The following DYNC1I2 variants were observed in gnomAD, a reference collection of about 807,000 sequenced individuals.
The protein encoded by DYNC1I2 is dynein cytoplasmic 1 intermediate chain 2.
Under a neutral mutation model 88.6 loss-of-function variants are expected in DYNC1I2, and 53 were observed. That is an observed-to-expected ratio of 0.60 (90% CI 0.48 to 0.75). The LOEUF is 0.75. Among genes scored for constraint, DYNC1I2 ranks in the 30% least tolerant of loss-of-function variants. The pLI is 0.00. For missense variants in DYNC1I2, 458 were observed against 766.6 expected (o/e 0.60, Z 4.75); for synonymous variants, 198 against 254.6 (o/e 0.78, Z 2.12).
At chr2:171,710,122 TACACACACAC>T (rs55862813) in intron 5 of DYNC1I2, among the ~76,000 whole-genome samples, 6,922 of 144,376 alleles carry the variant, frequency 0.048, 219 homozygotes, top group African/African-American at 0.081. Context: ...TATGTATATA[TACACACACAC>T]ACACACACAC....
At chr2:171,701,389 C>T (rs924024206) in intron 3 of DYNC1I2, among the ~76,000 whole-genome samples, 12 of 152,098 alleles carry the variant, frequency 7.9e-5, no homozygotes, top group Non-Finnish European at 1.6e-4. Flanking sequence ...GGGCTAGTCT[C>T]GAACTCCTGA....
At chr2:171,699,075 G>A (rs551945503) in intron 3 of DYNC1I2, among the ~76,000 whole-genome samples, 2 of 152,222 alleles carry the variant, frequency 1.3e-5, no homozygotes, top group South Asian at 4.1e-4. Flanking sequence ...TTGGGAGGCC[G>A]AGGCAGGCAG....
chr2:171,693,110 G>A, intron 3 of DYNC1I2: 1 of 504,162 alleles, frequency 2.0e-6, no homozygotes, highest in South Asian at 2.4e-5. Flanking sequence ...AACATATACT[G>A]AACTACCAAT....
chr2:171,718,448 C>G (rs948178461), intron 7 of DYNC1I2, among the ~76,000 whole-genome samples: 2 of 144,378 alleles, frequency 1.4e-5, no homozygotes, highest in African/African-American at 5.1e-5. Flanking sequence ...TTTTTTTTTT[C>G]TTTGAGACAG....
At chr2:171,695,066 C>G (rs1685664414) in intron 3 of DYNC1I2, among the ~76,000 whole-genome samples, 1 of 152,056 alleles carries the variant, frequency 6.6e-6, no homozygotes, top group African/African-American at 2.4e-5. Flanking sequence ...CATTAAGTGA[C>G]CACTTTTGCA....
At chr2:171,713,403 C>A (rs1687263486) in intron 6 of DYNC1I2, among the ~76,000 whole-genome samples, 1 of 148,830 alleles carries the variant, frequency 6.7e-6, no homozygotes. Context: ...TAAATAGGTT[C>A]TTTTCTTTCT....
rs368695138 is a variant in DYNC1I2, at chr2:171,707,420, T to G, written c.335+43T>G. ...TTAATGTTTTAATGATAGAATGCAT[T>G]CAGTGCCCAAATACTGTTGATACTT... On this transcript the variant is annotated intron_variant, in intron 5 of 17. Transcript: ENST00000397119. 1.9e-6 allele frequency: 3 copies of G among 1,562,484 alleles called. No homozygotes were observed. The African/African-American group carries it at 4.1e-5, about 21-fold the overall frequency.
At position 171,707,348 on chromosome 2, in the gene DYNC1I2, A is replaced by G. The variant is rs370644903; in HGVS notation, c.306A>G (p.Gln102=). Residue 102 remains glutamine (Q), a synonymous_variant, in exon 5 of 18, where the codon CAA becomes CAG. Transcript: ENST00000397119. Reference sequence around the variant, plus strand: ...GCACTCCAAGTGAAGCTGGAAGCCAAGACTCTGGAGATGGCGCCGTGGGAT... The same window carrying G: ...GCACTCCAAGTGAAGCTGGAAGCCAGGACTCTGGAGATGGCGCCGTGGGAT... ...SVSTPSEAGS[Q]DSGDGAVGSR... is the part of the protein sequence containing the mutation. 261 of 1,613,642 alleles carry G rather than the reference A, an allele frequency of 1.6e-4. 9 individuals are homozygous for G. The highest frequency in any genetic ancestry group is 1.6e-3 in the South Asian group (147 of 90,960).
At chr2:171,695,202 C>T (rs1042784451) in intron 3 of DYNC1I2, among the ~76,000 whole-genome samples, 2 of 151,934 alleles carry the variant, frequency 1.3e-5, no homozygotes, top group Admixed American at 1.3e-4. Context: ...CGAGTTTAAG[C>T]GATTCTCCTG....
At chr2:171,705,674 T>C in intron 3 of DYNC1I2, among the ~76,000 whole-genome samples, 1 of 152,080 alleles carries the variant, frequency 6.6e-6, no homozygotes, top group East Asian at 1.9e-4. Context: ...AAATGTAACC[T>C]AAGATAAATT....
At chr2:171,690,572 A>C (rs1685323665) in intron 2 of DYNC1I2, among the ~76,000 whole-genome samples, 1 of 151,976 alleles carries the variant, frequency 6.6e-6, no homozygotes, top group Admixed American at 6.6e-5. Context: ...AATTTGATTT[A>C]TTAAAGTTCA....
At chr2:171,735,148 TC>T (rs1245587446) in intron 15 of DYNC1I2, among the ~76,000 whole-genome samples, 1 of 152,200 alleles carries the variant, frequency 6.6e-6, no homozygotes, top group Non-Finnish European at 1.5e-5. Context: ...CAAGATTTCT[TC>T]CTTTTCTCTC....
At chr2:171,690,711 T>C (rs1449018722) in intron 2 of DYNC1I2, among the ~76,000 whole-genome samples, 1 of 150,284 alleles carries the variant, frequency 6.7e-6, no homozygotes, top group Non-Finnish European at 1.5e-5. Flanking sequence ...TGGAGTGCAG[T>C]GGTTTGAGCA....
chr2:171,708,496 A>G (rs1189089405), intron 5 of DYNC1I2, among the ~76,000 whole-genome samples: 1 of 152,174 alleles, frequency 6.6e-6, no homozygotes, highest in Non-Finnish European at 1.5e-5. Context: ...AAGCTATACT[A>G]TCTTTGGAGG....
At position 171,712,685 on chromosome 2, in the gene DYNC1I2, TTAGC is replaced by T. The variant is rs988637250; in HGVS notation, c.336-79_336-76del. 4.0e-5 allele frequency: 39 copies of T among 966,994 alleles called. No individual in the cohort carries two copies. In the African/African-American group the frequency reaches 6.4e-4, roughly 16 times the overall value. The allele number at this position is 966,994 out of a possible 1,614,324, so 59.9% of individuals were successfully genotyped here. A position where few individuals can be genotyped will look rare whatever the true frequency, so the allele number is the denominator to read the frequency against. ...TTTAATTGTGAATAGTACTTTAGCT[TTAGC>T]TATTCATAGAATGTATTTGCTTGAC... is the stretch of plus-strand genomic sequence containing the variant. On this transcript the variant is annotated intron_variant, in intron 5 of 17. Transcript: ENST00000397119.
intron 3 of DYNC1I2, among the ~76,000 whole-genome samples, chr2:171,700,266 C>T (rs1196955391): frequency 6.6e-6 from 1 of 152,128 alleles, no homozygotes; most frequent in Non-Finnish European, 1.5e-5. Context: ...GCTGGGTTCT[C>T]CCAGAGTGAG....
chr2:171,735,060 C>T (rs1384292608), intron 15 of DYNC1I2, among the ~76,000 whole-genome samples: 1 of 152,196 alleles, frequency 6.6e-6, no homozygotes, highest in African/African-American at 2.4e-5. Context: ...ATTGAGTCCT[C>T]ATAAATTGGA....
chr2:171,738,603 G>A (rs1574629937), intron 15 of DYNC1I2, among the ~76,000 whole-genome samples: 1 of 152,132 alleles, frequency 6.6e-6, no homozygotes, highest in African/African-American at 2.4e-5. Context: ...TTTCTTTTGG[G>A]TATATACCTA....
chr2:171,745,310 C>T (rs1250407093), intron 16 of DYNC1I2, among the ~76,000 whole-genome samples: 4 of 152,188 alleles, frequency 2.6e-5, no homozygotes, highest in African/African-American at 7.2e-5. Flanking sequence ...TTTAGACAGA[C>T]TCATACTGCA....
Sources: gnomAD v4.1 joint callset for allele counts (sites outside exome capture counted in the v4.1 genomes callset) on GRCh38, gnomAD v4.1.1 for gene constraint, MANE v1.5 for transcripts, NCBI Gene and HGNC (gene_info 2026-07-23, HGNC 2026-07-21) for gene names.